The following NHLRC2 variants were observed in gnomAD, a reference collection of about 807,000 sequenced individuals.
The protein encoded by NHLRC2 is NHL repeat containing 2.
A neutral mutation model predicts 68.1 loss-of-function variants in NHLRC2; 33 were observed. That is an observed-to-expected ratio of 0.48 (90% CI 0.37 to 0.65). The LOEUF (loss-of-function observed/expected upper bound fraction) is 0.65. Ranked by LOEUF, NHLRC2 falls within the 30% of genes least tolerant of loss-of-function variation. The probability of loss-of-function intolerance (pLI) is 0.00; values close to 1 mark genes in which losing one functional copy is unlikely to be tolerated. For missense variants in NHLRC2, 761 were observed against 853.8 expected, an observed-to-expected ratio of 0.89 and a Z score of 1.35; for synonymous variants, 311 against 309.6, an observed-to-expected ratio of 1.00 and a Z score of -0.05.
intron 7 of NHLRC2, among the ~76,000 whole-genome samples, 183 bp from the exon 8 acceptor site, chr10:113,902,288 T>G (rs1846235926): frequency 1.3e-5 from 2 of 152,206 alleles, no homozygotes; most frequent in African/African-American, 2.4e-5. Context: ...TAATACAGGT[T>G]CAAAATACTG....
chr10:113,859,714 C>T (rs1043310454), intron 2 of NHLRC2, among the ~76,000 whole-genome samples: 5 of 152,180 alleles, frequency 3.3e-5, no homozygotes, highest in South Asian at 2.1e-4. Flanking sequence ...CAAGACATCA[C>T]GTTTATTGAA....
intron 10 of NHLRC2, among the ~76,000 whole-genome samples, chr10:113,906,925 C>T (rs1846280895): frequency 6.6e-6 from 1 of 152,120 alleles, no homozygotes; most frequent in Admixed American, 6.5e-5. Context: ...AGGCAGAGCT[C>T]GCAGTGAGCC....
intron 4 of NHLRC2, among the ~76,000 whole-genome samples, chr10:113,881,394 G>C (rs1218920176): frequency 6.6e-6 from 1 of 151,768 alleles, no homozygotes; most frequent in Non-Finnish European, 1.5e-5. Context: ...TGCAGAAATG[G>C]AAAGTGGAAT....
chr10:113,857,984 A>G (rs972438779), intron 1 of NHLRC2, among the ~76,000 whole-genome samples: 65 of 149,524 alleles, frequency 4.3e-4, no homozygotes, highest in Admixed American at 4.3e-3. Context: ...CTTTATTCTC[A>G]GTAGCCCATT....
At chr10:113,855,124 G>A in intron 1 of NHLRC2, 74 bp downstream of exon 1, 1 of 1,352,456 alleles carries the variant, frequency 7.4e-7, no homozygotes, top group South Asian at 1.3e-5. Flanking sequence ...CTCCCGCGAA[G>A]CGGTGGGCTA....
chr10:113,882,592 G>A (rs1262595821), intron 4 of NHLRC2, among the ~76,000 whole-genome samples: 2 of 151,570 alleles, frequency 1.3e-5, no homozygotes, highest in African/African-American at 4.8e-5. Context: ...CTAGGTACAA[G>A]TTCTTTATCA....
intron 2 of NHLRC2, 124 bp downstream of exon 2, chr10:113,858,804 C>G: frequency 1.6e-6 from 1 of 619,650 alleles, no homozygotes; most frequent in Non-Finnish European, 2.8e-6. Context: ...AAAGTAATCT[C>G]TTATCTATGA....
intron 10 of NHLRC2, among the ~76,000 whole-genome samples, chr10:113,907,459 C>T (rs932131474): frequency 1.2e-4 from 18 of 152,200 alleles, no homozygotes; most frequent in Non-Finnish European, 5.9e-5. Context: ...CAAATGCTGG[C>T]TCTTGAGGGC....
At chr10:113,861,332 A>G (rs73345583) in intron 2 of NHLRC2, among the ~76,000 whole-genome samples, 4,787 of 152,326 alleles carry the variant, frequency 0.031, 264 homozygotes, top group African/African-American at 0.11. Flanking sequence ...GTAAACTCCA[A>G]GTAGGATGAA....
chr10:113,882,739 TTTG>T (rs910281392), intron 4 of NHLRC2, among the ~76,000 whole-genome samples: 1 of 151,810 alleles, frequency 6.6e-6, no homozygotes, highest in African/African-American at 2.4e-5. Flanking sequence ...TGCTTATGTT[TTTG>T]TTGTTGTAAG....
intron 2 of NHLRC2, among the ~76,000 whole-genome samples, chr10:113,869,468 C>T (rs1051643871): frequency 6.6e-6 from 1 of 152,098 alleles, no homozygotes; most frequent in African/African-American, 2.4e-5. Context: ...AGACTGATCC[C>T]ATCTGTATGT....
At chr10:113,877,391 A>G (rs1399432438) in intron 3 of NHLRC2, among the ~76,000 whole-genome samples, 1 of 152,114 alleles carries the variant, frequency 6.6e-6, no homozygotes, top group African/African-American at 2.4e-5. Context: ...TCAGTGCCCC[A>G]TGAACTTGAG....
At chr10:113,886,387 A>T (rs545579960) in intron 5 of NHLRC2, among the ~76,000 whole-genome samples, 1 of 152,174 alleles carries the variant, frequency 6.6e-6, no homozygotes, top group Non-Finnish European at 1.5e-5. Context: ...GAAAAAAACT[A>T]TCTTAAAATG....
intron 7 of NHLRC2, 24 bp downstream of exon 7, chr10:113,901,921 G>T (rs760056763): frequency 6.7e-7 from 1 of 1,485,890 alleles, no homozygotes; most frequent in Non-Finnish European, 9.4e-7. Flanking sequence ...CTCTTGCACA[G>T]TGCGCTCGGA....
Position 113,910,665 on chromosome 10 carries a change from TGA to T in NHLRC2, c.*2131_*2132del, listed in dbSNP as rs909746935. On this transcript the variant is annotated 3_prime_UTR_variant, in exon 11 of 11. Transcript: ENST00000369301. ...TTTAATTTACTAATTTAGAAATATC[TGA>T]GTTTATTTTTCAATATAATATACAA... 6.6e-6 allele frequency: 1 copy of T among 152,230 alleles called. No homozygotes were observed. The highest frequency in any genetic ancestry group is 2.4e-5 in the African/African-American group (1 of 41,454). The allele number at this position is 152,230 out of a possible 1,614,324, so 9.4% of individuals were successfully genotyped here. A position where few individuals can be genotyped will look rare whatever the true frequency, so the allele number is the denominator to read the frequency against.
intron 5 of NHLRC2, among the ~76,000 whole-genome samples, chr10:113,895,040 A>G (rs1040757032): frequency 3.9e-5 from 6 of 152,200 alleles, no homozygotes; most frequent in Non-Finnish European, 7.3e-5. Context: ...CTATATTATC[A>G]TATGATATAT....
At chr10:113,861,005 G>A (rs573471890) in intron 2 of NHLRC2, among the ~76,000 whole-genome samples, 4 of 152,266 alleles carry the variant, frequency 2.6e-5, no homozygotes, top group African/African-American at 9.6e-5. Context: ...GACTTACAGT[G>A]AATTATGTCC....
chr10:113,899,066 A>G (rs1484488869), intron 6 of NHLRC2, among the ~76,000 whole-genome samples: 2 of 151,884 alleles, frequency 1.3e-5, no homozygotes, highest in Non-Finnish European at 2.9e-5. Context: ...ACCTCACTGT[A>G]CCTGGTGTAT....
In NHLRC2 at chr10:113,859,845, G is replaced by T. The variant is rs181210476; in HGVS notation, c.331+1165G>T. 1.3e-3 allele frequency among the ~76,000 whole-genome samples: 200 copies of T among 152,266 alleles called. 2 individuals carry two copies. The highest frequency in any genetic ancestry group is 0.013 in the Admixed American group (198 of 15,302). On this transcript the variant is annotated intron_variant, in intron 2 of 10. Coordinates refer to ENST00000369301, the MANE Select transcript of NHLRC2 (RefSeq NM_198514.4). ...CACTTTGCCTAGAAACATTGGAAAAGATTTCTCAGAGAAGGAGACAATTGA... is the reference window on the plus strand; with the variant it reads ...CACTTTGCCTAGAAACATTGGAAAATATTTCTCAGAGAAGGAGACAATTGA...
Sources: allele counts gnomAD v4.1 joint callset (sites outside exome capture counted in the v4.1 genomes callset), GRCh38; gene constraint gnomAD v4.1.1; transcripts MANE v1.5; gene names NCBI Gene and HGNC (gene_info 2026-07-23, HGNC 2026-07-21).